The following DOCK1 variants were observed in gnomAD, a reference collection of about 807,000 sequenced individuals.
DOCK1 encodes the protein dedicator of cytokinesis 1, also known as dedicator of cytokinesis protein 1.
DOCK1 carries 138 observed loss-of-function variants against 262.7 expected under a neutral mutation model. That is an observed-to-expected ratio of 0.53 (90% CI 0.46 to 0.61). DOCK1 has a LOEUF of 0.61. DOCK1 is among the 20% of genes least tolerant of loss of function. DOCK1 has a pLI of 0.00. For missense variants in DOCK1, 1,908 were observed against 2,370.7 expected, an observed-to-expected ratio of 0.80 and a Z score of 4.05; for synonymous variants, 866 against 867.4, an observed-to-expected ratio of 1.00 and a Z score of 0.03.
At chr10:126,920,259 A>G (rs2033045931) in intron 1 of DOCK1, among the ~76,000 whole-genome samples, 3 of 152,276 alleles carry the variant, frequency 2.0e-5, no homozygotes, top group Admixed American at 6.5e-5. Context: ...TGACATTGCT[A>G]CAAGGCAATT....
chr10:126,912,115 G>C (rs1177113895), intron 1 of DOCK1, among the ~76,000 whole-genome samples: 1 of 152,114 alleles, frequency 6.6e-6, no homozygotes, highest in East Asian at 1.9e-4. Flanking sequence ...GTGTGTCAGT[G>C]TCCTCATTTC....
At chr10:127,187,740 AAGAAAGAG>A (rs149634916) in intron 27 of DOCK1, among the ~76,000 whole-genome samples, 75,187 of 150,662 alleles carry the variant, frequency 0.5, 20,175 homozygotes, top group East Asian at 0.71. Context: ...GAAAGAAAGA[AAGAAAGAG>A]AGAAAGAGAG....
At chr10:127,388,545 A>G (rs1482455291) in intron 38 of DOCK1, among the ~76,000 whole-genome samples, 3 of 152,224 alleles carry the variant, frequency 2.0e-5, no homozygotes, top group African/African-American at 7.2e-5. Flanking sequence ...CATCTTCCGT[A>G]ACAATCTGGA....
At chr10:127,082,052 TA>T (rs2046934698) in intron 23 of DOCK1, among the ~76,000 whole-genome samples, 2 of 152,276 alleles carry the variant, frequency 1.3e-5, no homozygotes, top group South Asian at 2.1e-4. Flanking sequence ...GATCCATCCC[TA>T]AACTACAGGA....
intron 29 of DOCK1, among the ~76,000 whole-genome samples, chr10:127,327,421 T>A (rs1233988227): frequency 6.6e-6 from 1 of 152,206 alleles, no homozygotes; most frequent in African/African-American, 2.4e-5. Flanking sequence ...TCCTTAAGAA[T>A]CAACCTCTGG....
chr10:127,326,456 T>C (rs957418952), intron 29 of DOCK1, among the ~76,000 whole-genome samples: 3 of 152,188 alleles, frequency 2.0e-5, no homozygotes, highest in African/African-American at 7.2e-5. Context: ...CAAGCATGAG[T>C]GGGAACTCCT....
intron 32 of DOCK1, among the ~76,000 whole-genome samples, chr10:127,357,676 A>C (rs1404532131): frequency 6.6e-6 from 1 of 152,244 alleles, no homozygotes; most frequent in Non-Finnish European, 1.5e-5. Context: ...GAAGCGGCCA[A>C]GAGGTCAAAA....
At chr10:127,371,514 T>C (rs543342846) in intron 33 of DOCK1, among the ~76,000 whole-genome samples, 14 of 152,334 alleles carry the variant, frequency 9.2e-5, no homozygotes, top group African/African-American at 3.4e-4. Flanking sequence ...CTACACTCTG[T>C]GTTCAGATCC....
chr10:127,035,512 T>C (rs990351321), intron 18 of DOCK1, among the ~76,000 whole-genome samples: 3 of 152,160 alleles, frequency 2.0e-5, no homozygotes, highest in South Asian at 2.1e-4. Context: ...CAAGGTGTTT[T>C]ACTACTCATT....
intron 48 of DOCK1, among the ~76,000 whole-genome samples, chr10:127,434,656 CTT>C (rs34630603): frequency 6.3e-5 from 9 of 143,298 alleles, no homozygotes; most frequent in Admixed American, 7.0e-5. Flanking sequence ...TGTCTACTTT[CTT>C]TTTTTTTTTT....
intron 22 of DOCK1, among the ~76,000 whole-genome samples, chr10:127,057,876 A>G (rs1269371273): frequency 2.6e-5 from 4 of 152,254 alleles, no homozygotes; most frequent in African/African-American, 4.8e-5. Flanking sequence ...AATGTAGTTA[A>G]TAGACAAAGA....
chr10:127,147,542 C>T (rs893026420), intron 27 of DOCK1, among the ~76,000 whole-genome samples: 1 of 152,154 alleles, frequency 6.6e-6, no homozygotes, highest in African/African-American at 2.4e-5. Flanking sequence ...TCTGTCCTTA[C>T]CCTCATCCCG....
intron 39 of DOCK1, 56 bp downstream of exon 39, chr10:127,403,200 C>T: frequency 2.6e-6 from 4 of 1,515,892 alleles, no homozygotes; most frequent in Non-Finnish European, 3.6e-6. Flanking sequence ...GCTGGTTTTT[C>T]AGGAATCTCT....
chr10:126,928,336 C>T (rs1383361104), intron 1 of DOCK1, among the ~76,000 whole-genome samples: 1 of 152,230 alleles, frequency 6.6e-6, no homozygotes, highest in African/African-American at 2.4e-5. Flanking sequence ...GCGTCCCAGG[C>T]CCTGCCCCCA....
At chr10:127,431,234 T>C (rs866865790) in intron 47 of DOCK1, among the ~76,000 whole-genome samples, 6 of 152,170 alleles carry the variant, frequency 3.9e-5, no homozygotes, top group African/African-American at 1.2e-4. Flanking sequence ...CCAGGACTGG[T>C]TGAGACCCTA....
rs181081606 is a variant in DOCK1 at position 127,322,110 on chromosome 10, G to C, written c.3045-16896G>C. Among the ~76,000 whole-genome samples the C allele has an allele frequency of 4.2e-5, 6 of 143,322 alleles. No homozygotes were observed. In the East Asian group the frequency reaches 1.3e-3, roughly 30 times the overall value. The allele number at this position is 143,322 out of a possible 152,430, so 94.0% of individuals were successfully genotyped here. A position where few individuals can be genotyped will look rare whatever the true frequency, so the allele number is the denominator to read the frequency against. On this transcript the variant is annotated intron_variant, in intron 29 of 51. Transcript: ENST00000623213. ...AGAGCGAGACTCTGTCTCAGAAAAAGAAAAAAAAAGAGAATGAATAATGAG... is the reference window on the plus strand; with the variant it reads ...AGAGCGAGACTCTGTCTCAGAAAAACAAAAAAAAAGAGAATGAATAATGAG...
chr10:127,404,849 C>G (rs937323073), intron 40 of DOCK1, among the ~76,000 whole-genome samples: 2 of 152,150 alleles, frequency 1.3e-5, no homozygotes, highest in African/African-American at 4.8e-5. Context: ...CACGAACTCC[C>G]CATTCTCCCT....
intron 27 of DOCK1, among the ~76,000 whole-genome samples, chr10:127,223,017 A>G (rs1053110154): frequency 6.6e-6 from 1 of 152,122 alleles, no homozygotes; most frequent in Non-Finnish European, 1.5e-5. Context: ...TATAGTTTGG[A>G]TCTGCAAATA....
At chr10:127,059,098 G>T (rs2045362656) in intron 22 of DOCK1, among the ~76,000 whole-genome samples, 1 of 152,046 alleles carries the variant, frequency 6.6e-6, no homozygotes, top group Non-Finnish European at 1.5e-5. Context: ...AGCATTCTAG[G>T]TTGGAAGTTA....
Sources: allele counts gnomAD v4.1 joint callset (sites outside exome capture counted in the v4.1 genomes callset), GRCh38; gene constraint gnomAD v4.1.1; transcripts MANE v1.5; gene names NCBI Gene and HGNC (gene_info 2026-07-23, HGNC 2026-07-21).